CHST8: variants seen among roughly 807,000 people sequenced by gnomAD.
The protein encoded by CHST8 is GALNAC-4-ST1.
In CHST8, 10 loss-of-function variants were observed where a neutral mutation model predicts 15.0. That is an observed-to-expected ratio of 0.67 (90% CI 0.41 to 1.13). The LOEUF (loss-of-function observed/expected upper bound fraction) is 1.13. CHST8 is among the 50% of genes most tolerant of loss of function. The pLI is 0.00. For missense variants in CHST8, 634 were observed against 608.2 expected (o/e 1.04, Z -0.45); for synonymous variants, 259 against 256.6 (o/e 1.01, Z -0.09).
intron 3 of CHST8, among the ~76,000 whole-genome samples, chr19:33,695,019 C>T (rs1018680558): frequency 1.3e-5 from 2 of 151,570 alleles, no homozygotes; most frequent in African/African-American, 4.9e-5. Context: ...ATAGTCTTGC[C>T]ATGAAAGCTC....
intron 1 of CHST8, among the ~76,000 whole-genome samples, chr19:33,631,339 T>C (rs961455213): frequency 6.6e-6 from 1 of 152,216 alleles, no homozygotes; most frequent in Non-Finnish European, 1.5e-5. Context: ...TTCGTGTGTC[T>C]GTTTGAATCT....
intron 3 of CHST8, among the ~76,000 whole-genome samples, chr19:33,751,160 C>T (rs1457591627): frequency 1.3e-5 from 2 of 152,170 alleles, no homozygotes; most frequent in African/African-American, 2.4e-5. Flanking sequence ...TTGGGGATGG[C>T]GGGGCAGGGT....
At chr19:33,632,721 C>T (rs1331854320) in intron 1 of CHST8, among the ~76,000 whole-genome samples, 1 of 151,606 alleles carries the variant, frequency 6.6e-6, no homozygotes, top group African/African-American at 2.4e-5. Flanking sequence ...GCTCCCCTTA[C>T]TTCTAACGAT....
chr19:33,639,087 A>G (rs12608584), intron 1 of CHST8, among the ~76,000 whole-genome samples: 6 of 64,918 alleles, frequency 9.2e-5, no homozygotes, highest in African/African-American at 3.1e-4. Context: ...GATCCTGACC[A>G]AAAAAAAAAA....
chr19:33,752,631 C>T (rs1974444037), intron 3 of CHST8, among the ~76,000 whole-genome samples: 2 of 152,148 alleles, frequency 1.3e-5, no homozygotes, highest in African/African-American at 2.4e-5. Context: ...TTATGGACAC[C>T]CTCTCATTAG....
chr19:33,633,335 C>T (rs1025373556), intron 1 of CHST8, among the ~76,000 whole-genome samples: 3 of 152,114 alleles, frequency 2.0e-5, no homozygotes, highest in Non-Finnish European at 4.4e-5. Context: ...GAGTTTTTGG[C>T]TTTTATGGAC....
intron 1 of CHST8, among the ~76,000 whole-genome samples, chr19:33,665,234 C>T (rs1972640479): frequency 6.6e-6 from 1 of 152,174 alleles, no homozygotes; most frequent in African/African-American, 2.4e-5. Flanking sequence ...CCCCTTTCTC[C>T]ATATCCTTAC....
chr19:33,690,653 G>A (rs933638759), intron 3 of CHST8, among the ~76,000 whole-genome samples: 2 of 152,182 alleles, frequency 1.3e-5, no homozygotes, highest in African/African-American at 2.4e-5. Context: ...CGCCTGTGCC[G>A]GGCCCCCACA....
intron 3 of CHST8, among the ~76,000 whole-genome samples, chr19:33,758,648 A>G (rs1402220090): frequency 6.6e-6 from 1 of 152,204 alleles, no homozygotes; most frequent in East Asian, 1.9e-4. Flanking sequence ...CAGCTGGGCC[A>G]CAGTGGTAAT....
At chr19:33,631,209 C>G (rs1972117512) in intron 1 of CHST8, among the ~76,000 whole-genome samples, 1 of 152,198 alleles carries the variant, frequency 6.6e-6, no homozygotes, top group Non-Finnish European at 1.5e-5. Context: ...GGCCAGAGCT[C>G]TTGGTTCTTT....
At chr19:33,686,706 C>T (rs536903999) in intron 2 of CHST8, among the ~76,000 whole-genome samples, 6 of 152,290 alleles carry the variant, frequency 3.9e-5, no homozygotes, top group East Asian at 3.9e-4. Context: ...ACTGGCTTCC[C>T]GGTGTCTGAC....
chr19:33,703,675 C>G (rs1044147477), intron 3 of CHST8, among the ~76,000 whole-genome samples: 35 of 152,198 alleles, frequency 2.3e-4, no homozygotes, highest in Non-Finnish European at 4.4e-5. Flanking sequence ...TGCAGATCCC[C>G]CTCTCCTTCT....
intron 1 of CHST8, among the ~76,000 whole-genome samples, chr19:33,623,172 T>C (rs940452369): frequency 4.0e-5 from 6 of 151,724 alleles, no homozygotes; most frequent in Non-Finnish European, 7.4e-5. Context: ...ACATCTTGTC[T>C]CCAGGCCCGC....
intron 3 of CHST8, among the ~76,000 whole-genome samples, chr19:33,693,868 C>T (rs765905367): frequency 1.3e-4 from 19 of 151,540 alleles, no homozygotes; most frequent in Non-Finnish European, 2.1e-4. Flanking sequence ...CGCCAGAGAT[C>T]GTGCCTAGAT....
chr19:33,662,557 G>A (rs567557375), intron 1 of CHST8, among the ~76,000 whole-genome samples: 92 of 152,316 alleles, frequency 6.0e-4, no homozygotes, highest in African/African-American at 1.9e-3. Context: ...TTTGCCCCAC[G>A]GGGAATGCTG....
intron 2 of CHST8, among the ~76,000 whole-genome samples, chr19:33,682,187 G>GTTTTT (rs869056900): frequency 6.0e-4 from 57 of 95,268 alleles, no homozygotes; most frequent in African/African-American, 1.7e-3. Context: ...TTTTGTTGTT[G>GTTTTT]TTTTTTTTTT....
intron 2 of CHST8, among the ~76,000 whole-genome samples, chr19:33,671,063 A>G (rs1448674091): frequency 6.6e-6 from 1 of 151,898 alleles, no homozygotes; most frequent in East Asian, 1.9e-4. Flanking sequence ...TTTCTATTTC[A>G]CTCACATATA....
intron 3 of CHST8, among the ~76,000 whole-genome samples, chr19:33,751,958 C>T (rs960190873): frequency 2.6e-5 from 4 of 152,170 alleles, no homozygotes; most frequent in Admixed American, 6.5e-5. Context: ...GGGGTAGCAG[C>T]GTGGTGTTTC....
intron 1 of CHST8, among the ~76,000 whole-genome samples, chr19:33,638,424 G>T (rs1277370705): frequency 6.6e-6 from 1 of 152,158 alleles, no homozygotes; most frequent in Non-Finnish European, 1.5e-5. Context: ...AAATGTCAAG[G>T]CGTTTTTGAA....
Sources: allele counts gnomAD v4.1 joint callset (sites outside exome capture counted in the v4.1 genomes callset), GRCh38; gene constraint gnomAD v4.1.1; transcripts MANE v1.5; gene names NCBI Gene and HGNC (gene_info 2026-07-23, HGNC 2026-07-21).